Variants in TTC21B observed in about 807,000 individuals in gnomAD.
TTC21B encodes tetratricopeptide repeat protein 21B.
Under a neutral mutation model 175.1 loss-of-function variants are expected in TTC21B, and 127 were observed. The observed-to-expected ratio is 0.73, with a 90% CI of 0.63 to 0.84. The LOEUF is 0.84. Among genes scored for constraint, TTC21B ranks in the 40% least tolerant of loss-of-function variants. The probability of loss-of-function intolerance (pLI) is 0.00; values close to 1 mark genes in which losing one functional copy is unlikely to be tolerated. For missense variants in TTC21B, 1,561 were observed against 1,558.3 expected, an observed-to-expected ratio of 1.00 and a Z score of -0.03; for synonymous variants, 524 against 524.5, an observed-to-expected ratio of 1.00 and a Z score of 0.01.
At chr2:165,929,621 C>G in intron 10 of TTC21B, 29 bp downstream of exon 10, 4 of 1,455,388 alleles carry the variant, frequency 2.7e-6, no homozygotes, top group Non-Finnish European at 3.9e-6. Context: ...CAGCTAGCAT[C>G]TACCAGCTGA....
intron 22 of TTC21B, among the ~76,000 whole-genome samples, chr2:165,895,847 A>G (rs948729156): frequency 6.6e-6 from 1 of 152,182 alleles, no homozygotes; most frequent in Non-Finnish European, 1.5e-5. Context: ...TGCCTGTGGT[A>G]GTCCCCATAT....
chr2:165,912,371 C>G (rs937917377), intron 17 of TTC21B, 143 bp downstream of exon 17: 1 of 718,900 alleles, frequency 1.4e-6, no homozygotes, highest in South Asian at 1.5e-5. Flanking sequence ...TCTAAGAAGG[C>G]CTTTAACACA....
Position 165,924,617 on chromosome 2 carries a change from G to T in TTC21B, c.1448C>A (p.Thr483Asn), listed in dbSNP as rs142887208. Residue 483 changes from threonine (T) to asparagine (N), a missense_variant, in exon 12 of 29, where the codon ACT (threonine) becomes AAT (asparagine). Thr to Asn is a moderately conservative substitution (Grantham distance 65, BLOSUM62 0). Coordinates refer to ENST00000243344, the MANE Select transcript of TTC21B (RefSeq NM_024753.5). ...LLRRCISVLE[T>N]VVRTVPGLLQ... ...AAGACCTGGAACAGTTCTTACTACA[G>T]TCTCCAGGACTGAGATGCAACGCCT... The T allele has an allele frequency of 2.9e-4, 468 of 1,613,684 alleles. No individual in the cohort carries two copies. The highest frequency in any genetic ancestry group is 3.6e-4 in the Non-Finnish European group (429 of 1,179,838).
intron 16 of TTC21B, 88 bp downstream of exon 16, chr2:165,913,486 A>AT: frequency 1.2e-6 from 1 of 864,316 alleles, no homozygotes; most frequent in Non-Finnish European, 1.9e-6. Context: ...ATTAAACATT[A>AT]TTTTAAAAAA....
At chr2:165,887,354 T>A (rs1342482762) in intron 25 of TTC21B, among the ~76,000 whole-genome samples, 1 of 152,134 alleles carries the variant, frequency 6.6e-6, no homozygotes, top group Non-Finnish European at 1.5e-5. Flanking sequence ...TGGGAGGGTA[T>A]CTAGAATTCC....
chr2:165,902,757 T>C (rs1685611160), intron 19 of TTC21B, among the ~76,000 whole-genome samples: 2 of 152,252 alleles, frequency 1.3e-5, no homozygotes. Context: ...TACACATTCA[T>C]GCATGTGCTC....
At chr2:165,911,533 T>C (rs7556951) in intron 17 of TTC21B, 68 bp from the exon 18 acceptor site, 4 of 1,573,964 alleles carry the variant, frequency 2.5e-6, no homozygotes, top group South Asian at 1.1e-5. Flanking sequence ...AGCTATTTAA[T>C]ACATTACAGA....
At position 165,911,671 on chromosome 2, in the gene TTC21B, T is replaced by A. The variant is rs868052575; in HGVS notation, c.2323-206A>T. Among the ~76,000 whole-genome samples the A allele has an allele frequency of 0.011, 1,604 of 151,124 alleles. 32 individuals carry two copies. The highest frequency in any genetic ancestry group is 0.036 in the African/African-American group (1,457 of 40,858). The stretch of plus-strand genomic sequence containing the variant: ...GAAACAACTAATATATATATATATT[T>A]TTTTTTTTTGAGTCACAGTCTCACT... On this transcript the variant is annotated intron_variant, in intron 17 of 28. Coordinates refer to ENST00000243344, the MANE Select transcript of TTC21B (RefSeq NM_024753.5).
rs569432248 is a variant in TTC21B, at chr2:165,953,651, G to GCCCGCCCTCTCA, written c.21+33_21+34insTGAGAGGGCGGG. ...GGCCGCAAAGGAACTCCGCCCGCCC[G>GCCCGCCCTCTCA]CCCGCTCACCCGCTCACCCGCTCAC... On this transcript the variant is annotated intron_variant, in intron 1 of 28. Transcript: ENST00000243344. 1.5e-4 allele frequency: 230 copies of GCCCGCCCTCTCA among 1,512,168 alleles called. No individual in the cohort carries two copies. The East Asian group carries it at 5.8e-3, about 38-fold the overall frequency. The allele number at this position is 1,512,168 out of a possible 1,614,324, so 93.7% of individuals were successfully genotyped here.
chr2:165,889,160 G>A (rs1559041123), intron 24 of TTC21B, among the ~76,000 whole-genome samples: 1 of 152,070 alleles, frequency 6.6e-6, no homozygotes, highest in Non-Finnish European at 1.5e-5. Flanking sequence ...TTAATAAAAG[G>A]AAATTAAACA....
rs771598715 is a variant in TTC21B at position 165,883,798 on chromosome 2, T to C, written c.3680A>G (p.Asn1227Ser). The C allele has an allele frequency of 1.8e-5, 29 of 1,612,880 alleles. No homozygotes were observed. In the East Asian group the frequency reaches 3.1e-4, roughly 17 times the overall value. ...TTTTACTCTTCAATCACCTACTCTA[T>C]TATGACGCAGGCACCGTTTTAACAG... ...EDLLKRCLRH[N>S]RSCCKAYEYM... is the part of the protein sequence containing the mutation. Residue 1227 changes from asparagine (N) to serine (S), a missense_variant, in exon 26 of 29, where the codon AAT (asparagine) becomes AGT (serine). By Grantham distance (46) the Asn-to-Ser change is conservative. Coordinates refer to ENST00000243344, the MANE Select transcript of TTC21B (RefSeq NM_024753.5).
Position 165,930,305 on chromosome 2 carries a change from A to T in TTC21B, c.954T>A (p.Ser318Arg). 1 of 1,613,164 alleles carries T rather than the reference A, an allele frequency of 6.2e-7. No homozygotes were observed. Among genetic ancestry groups the T allele is most frequent in the South Asian group, 1.1e-5 (1 of 91,010 alleles). The change falls in exon 9 of 29, where the codon AGT becomes AGA. Residue 318 changes from serine (S) to arginine (R), a missense_variant. By Grantham distance (110) the Ser-to-Arg change is moderately radical (BLOSUM62 -1). Coordinates refer to ENST00000243344, the MANE Select transcript of TTC21B (RefSeq NM_024753.5). The part of the protein sequence containing the change: ...KIQTLLERAF[S>R]LNPQQSEFAT... ...CAAATTCTGATTGCTGAGGGTTTAA[A>T]CTAAAAGCTCTCTCAAGTAACGTTT...
rs1684566198 is a variant in TTC21B at position 165,873,394 on chromosome 2, A to G, written c.*1361T>C. On this transcript the variant is annotated 3_prime_UTR_variant, in exon 29 of 29. Coordinates refer to ENST00000243344, the MANE Select transcript of TTC21B (RefSeq NM_024753.5). ...TAAATACTGTTTATTGTAAATGCAA[A>G]TAAAATTGAGGACTGTGTTTACTAC... The G allele has an allele frequency of 6.6e-6, 1 of 152,220 alleles. No individual in the cohort carries two copies. The highest frequency in any genetic ancestry group is 1.9e-4 in the East Asian group (1 of 5,200). 9.4% of individuals were successfully genotyped at this position (152,220 alleles called of 1,614,324 possible). A position where few individuals can be genotyped will look rare whatever the true frequency, so the allele number is the denominator to read the frequency against.
chr2:165,876,758 TA>T (rs1490867211), intron 27 of TTC21B, among the ~76,000 whole-genome samples: 1 of 152,154 alleles, frequency 6.6e-6, no homozygotes, highest in African/African-American at 2.4e-5. Flanking sequence ...TGAGTTACCA[TA>T]AAGAACCTGA....
intron 19 of TTC21B, among the ~76,000 whole-genome samples, chr2:165,903,749 TG>T (rs1685641902): frequency 6.6e-6 from 1 of 152,234 alleles, no homozygotes; most frequent in African/African-American, 2.4e-5. Flanking sequence ...TTAGCAACTT[TG>T]CAAAAACACT....
chr2:165,879,522 C>T (rs535798748), intron 27 of TTC21B: 2 of 152,314 alleles, frequency 1.3e-5, no homozygotes, highest in South Asian at 2.1e-4. Flanking sequence ...AAATCAAAAT[C>T]GAATTCACAC....
At chr2:165,940,400 G>C (rs945905938) in intron 6 of TTC21B, among the ~76,000 whole-genome samples, 1 of 151,990 alleles carries the variant, frequency 6.6e-6, no homozygotes, top group African/African-American at 2.4e-5. Flanking sequence ...TCCTTACATG[G>C]GTAACAAGAC....
intron 11 of TTC21B, among the ~76,000 whole-genome samples, chr2:165,925,861 C>A (rs1444863938): frequency 6.6e-6 from 1 of 151,980 alleles, no homozygotes; most frequent in African/African-American, 2.4e-5. Context: ...CTGTTTTTTT[C>A]AGCCTAAGTA....
chr2:165,901,885 A>G lies in TTC21B; in HGVS notation c.2594T>C (p.Leu865Pro). ...TGGCTGTTCCATCTGAACACGTTTT[A>G]GTACCCGAGCTTGTAATTCTCGAGC... ...QQARELQARV[L>P]KRVQMEQPDA... The change falls in exon 20 of 29, where the codon CTA becomes CCA. Residue 865 changes from leucine to proline, a missense_variant. Physicochemically the swap from Leu to Pro is moderately conservative, Grantham distance 98. Coordinates refer to ENST00000243344, the MANE Select transcript of TTC21B (RefSeq NM_024753.5). 3 of 1,614,008 alleles carry G rather than the reference A, an allele frequency of 1.9e-6. No homozygotes were observed. Among genetic ancestry groups the G allele is most frequent in the Non-Finnish European group, 2.5e-6 (3 of 1,179,956 alleles).
Sources: gnomAD v4.1 joint callset for allele counts (sites outside exome capture counted in the v4.1 genomes callset) on GRCh38, gnomAD v4.1.1 for gene constraint, MANE v1.5 for transcripts, NCBI Gene and HGNC (gene_info 2026-07-23, HGNC 2026-07-21) for gene names.